The following VPS35L variants were observed in gnomAD, a reference collection of about 807,000 sequenced individuals.
VPS35L encodes VPS35 endosomal protein-sorting factor-like.
In VPS35L, 83 loss-of-function variants were observed where a neutral mutation model predicts 133.0. The ratio of observed to expected loss-of-function variants is 0.62; its 90% CI spans 0.52 to 0.75. The LOEUF (loss-of-function observed/expected upper bound fraction) is 0.75, where lower values mean the gene tolerates loss of function less well. Ranked by LOEUF, VPS35L falls within the 30% of genes least tolerant of loss-of-function variation. The probability of loss-of-function intolerance (pLI) is 0.00; values close to 1 mark genes in which losing one functional copy is unlikely to be tolerated. For missense variants in VPS35L, 1,083 were observed against 1,206.8 expected, an observed-to-expected ratio of 0.90 and a Z score of 1.52; for synonymous variants, 423 against 449.9, an observed-to-expected ratio of 0.94 and a Z score of 0.76.
At position 19,639,939 on chromosome 16, in the gene VPS35L, A is replaced by G. The variant is rs913401179; in HGVS notation, c.1699-76A>G. The G allele has an allele frequency of 2.3e-6, 3 of 1,302,994 alleles. No individual in the cohort carries two copies. The highest frequency in any genetic ancestry group is 2.2e-6 in the Non-Finnish European group (2 of 913,604). The allele number at this position is 1,302,994 out of a possible 1,614,324, so 80.7% of individuals were successfully genotyped here. A position where few individuals can be genotyped will look rare whatever the true frequency, so the allele number is the denominator to read the frequency against. ...TCTGTTCTGCTTCTTTGAACTCCAC[A>G]GAAAAAGAGACCCACAGATTCCTTC... is the stretch of plus-strand genomic sequence containing the variant. On this transcript the variant is annotated intron_variant, in intron 20 of 30. Transcript: ENST00000417362. The surrounding 1 kb of genome is among the most constrained non-coding windows in gnomAD (Gnocchi z 4.1).
chr16:19,596,199 G>T (rs778697598), intron 8 of VPS35L, among the ~76,000 whole-genome samples: 3 of 152,154 alleles, frequency 2.0e-5, no homozygotes, highest in Non-Finnish European at 2.9e-5. Context: ...GAATTGCAGA[G>T]CTGAGGCTCA....
At chr16:19,647,065 ACT>A (rs1269981926) in intron 23 of VPS35L, among the ~76,000 whole-genome samples, 1 of 152,168 alleles carries the variant, frequency 6.6e-6, no homozygotes, top group Non-Finnish European at 1.5e-5. Flanking sequence ...AGTCTACCTG[ACT>A]CTGCGGGTAA....
intron 15 of VPS35L, 88 bp from the exon 16 acceptor site, chr16:19,627,606 G>C: frequency 9.5e-7 from 1 of 1,051,704 alleles, no homozygotes; most frequent in Non-Finnish European, 1.5e-6. Context: ...AGAGCTGTTA[G>C]TCTTCCTTCC....
intron 9 of VPS35L, among the ~76,000 whole-genome samples, chr16:19,607,079 G>C (rs1386692550): frequency 6.6e-6 from 1 of 152,184 alleles, no homozygotes; most frequent in Non-Finnish European, 1.5e-5. Flanking sequence ...TAAGTTTTGT[G>C]TTTTTTCTTT....
intron 26 of VPS35L, among the ~76,000 whole-genome samples, 175 bp from the exon 27 acceptor site, chr16:19,668,985 A>T: frequency 6.6e-6 from 1 of 152,364 alleles, no homozygotes; most frequent in Admixed American, 6.5e-5. Context: ...TGCCCTGTCA[A>T]GCAAATATTC....
chr16:19,570,889 A>ATTTTTTTTTTTTTT (rs1489865417), intron 3 of VPS35L, among the ~76,000 whole-genome samples: 1 of 91,850 alleles, frequency 1.1e-5, no homozygotes, highest in African/African-American at 4.7e-5. Flanking sequence ...ATATATATAT[A>ATTTTTTTTTTTTTT]TTTTTGAGAT....
intron 8 of VPS35L, among the ~76,000 whole-genome samples, chr16:19,593,956 C>A (rs1256921158): frequency 1.3e-5 from 2 of 152,052 alleles, no homozygotes; most frequent in African/African-American, 4.8e-5. Context: ...AGACCTTGCC[C>A]TTGGTTGGGT....
At chr16:19,644,473 A>G (rs965005026) in intron 22 of VPS35L, among the ~76,000 whole-genome samples, 4 of 152,180 alleles carry the variant, frequency 2.6e-5, no homozygotes, top group Admixed American at 6.5e-5. Flanking sequence ...CCTAGGCTCA[A>G]ACGAACCTGC....
At chr16:19,662,394 C>T (rs984569761) in intron 26 of VPS35L, among the ~76,000 whole-genome samples, 1 of 152,126 alleles carries the variant, frequency 6.6e-6, no homozygotes, top group South Asian at 2.1e-4. Context: ...ACCTGCAGAC[C>T]CTGACCCAGT....
intron 29 of VPS35L, among the ~76,000 whole-genome samples, chr16:19,692,399 A>G (rs1386101741): frequency 6.6e-6 from 1 of 152,022 alleles, no homozygotes; most frequent in Non-Finnish European, 1.5e-5. Context: ...GTTTATTTCC[A>G]TTGAATGGGG....
At chr16:19,599,432 A>T (rs373735039) in intron 8 of VPS35L, among the ~76,000 whole-genome samples, 1 of 152,102 alleles carries the variant, frequency 6.6e-6, no homozygotes, top group Non-Finnish European at 1.5e-5. Flanking sequence ...TCAGAGACCC[A>T]CTGGTGTCTG....
intron 26 of VPS35L, among the ~76,000 whole-genome samples, chr16:19,654,652 G>A (rs577006640): frequency 1.1e-4 from 16 of 152,114 alleles, no homozygotes; most frequent in Non-Finnish European, 1.3e-4. Context: ...ATTAGAAGAC[G>A]CTTCCTTGGA....
chr16:19,676,907 G>A (rs1975082182), intron 27 of VPS35L, among the ~76,000 whole-genome samples: 4 of 152,056 alleles, frequency 2.6e-5, no homozygotes, highest in Admixed American at 1.3e-4. Context: ...CCACCAAGAG[G>A]CTGATGACTA....
intron 26 of VPS35L, among the ~76,000 whole-genome samples, chr16:19,665,139 TG>T (rs1974621231): frequency 6.6e-6 from 1 of 152,170 alleles, no homozygotes; most frequent in Non-Finnish European, 1.5e-5. Context: ...TAGAGAATGG[TG>T]TATCCATCCC....
chr16:19,689,043 T>C (rs965563179), intron 28 of VPS35L, among the ~76,000 whole-genome samples: 5 of 122,266 alleles, frequency 4.1e-5, no homozygotes, highest in African/African-American at 1.8e-4. Flanking sequence ...GTCTCTTCTT[T>C]TTTTTTTTTT....
intron 7 of VPS35L, among the ~76,000 whole-genome samples, chr16:19,590,890 T>A (rs1247812357): frequency 6.6e-6 from 1 of 152,048 alleles, no homozygotes; most frequent in African/African-American, 2.4e-5. Context: ...AGGAGTTCAT[T>A]GCTGCAGTAA....
intron 6 of VPS35L, 123 bp from the exon 7 acceptor site, chr16:19,581,402 C>G: frequency 8.7e-7 from 1 of 1,143,268 alleles, no homozygotes; most frequent in Non-Finnish European, 1.2e-6. Flanking sequence ...AGCTGTCAAT[C>G]CTGGCGGGGA....
At chr16:19,602,904 CTT>C (rs1226430038) in intron 9 of VPS35L, among the ~76,000 whole-genome samples, 1 of 143,452 alleles carries the variant, frequency 7.0e-6, no homozygotes. Context: ...GTGCCCGTCC[CTT>C]TTTTTTTTTT....
chr16:19,570,862 TATATATATATATATATA>T (rs1971347957), intron 3 of VPS35L, among the ~76,000 whole-genome samples: 1 of 76,010 alleles, frequency 1.3e-5, no homozygotes, highest in African/African-American at 6.4e-5. Context: ...TATATATATA[TATATATATATATATATA>T]TATATATATA....
Sources: gnomAD v4.1 joint callset for allele counts (sites outside exome capture counted in the v4.1 genomes callset) on GRCh38, gnomAD v4.1.1 for gene constraint, Gnocchi (gnomAD v3.1) non-coding constraint, MANE v1.5 for transcripts, NCBI Gene and HGNC (gene_info 2026-07-23, HGNC 2026-07-21) for gene names.